Variants in BNC2 observed in about 807,000 individuals in gnomAD.
BNC2 encodes basonuclin zinc finger protein 2.
In BNC2, 20 loss-of-function variants were observed where a neutral mutation model predicts 76.3. The ratio of observed to expected loss-of-function variants is 0.26; its 90% confidence interval spans 0.18 to 0.38. The LOEUF (loss-of-function observed/expected upper bound fraction) is 0.38. Among genes scored for constraint, BNC2 ranks in the 10% least tolerant of loss-of-function variants. The probability of loss-of-function intolerance (pLI) is 1.00; values close to 1 mark genes in which losing one functional copy is unlikely to be tolerated. For missense variants in BNC2, 1,382 were observed against 1,399.8 expected, an observed-to-expected ratio of 0.99 and a Z score of 0.20; for synonymous variants, 582 against 514.8, an observed-to-expected ratio of 1.13 and a Z score of -1.77.
intron 1 of BNC2, among the ~76,000 whole-genome samples, chr9:16,837,795 C>T (rs1266979720): frequency 6.6e-6 from 1 of 152,108 alleles, no homozygotes; most frequent in African/African-American, 2.4e-5. Context: ...GGCTCCTAAG[C>T]TACTGCTTTT....
chr9:16,615,209 C>A (rs1434647968), intron 3 of BNC2, among the ~76,000 whole-genome samples: 3 of 152,040 alleles, frequency 2.0e-5, no homozygotes, highest in Non-Finnish European at 2.9e-5. Context: ...TACAATTCTG[C>A]CCCACATCTT....
intron 3 of BNC2, among the ~76,000 whole-genome samples, chr9:16,607,666 T>A (rs1184980162): frequency 6.6e-6 from 1 of 152,206 alleles, no homozygotes; most frequent in Non-Finnish European, 1.5e-5. Context: ...TATTTGTATA[T>A]GCTACACGGA....
intron 3 of BNC2, among the ~76,000 whole-genome samples, chr9:16,622,138 G>C (rs1332953194): frequency 1.3e-5 from 2 of 152,044 alleles, no homozygotes; most frequent in African/African-American, 2.4e-5. Flanking sequence ...CAAGGAAATG[G>C]ATTCTAAATT....
Position 16,655,485 on chromosome 9 carries a change from C to G in BNC2, c.330+72312G>C, listed in dbSNP as rs530914713. ...TTATCTCACTGTATTACAGTTCCTC[C>G]TTGACTATCTATCTGAAAAGTCTAA... is the stretch of plus-strand genomic sequence containing the variant. On this transcript the variant is annotated intron_variant, in intron 3 of 6. Transcript: ENST00000380672. Among the ~76,000 whole-genome samples, 14 of 152,194 alleles carry G rather than the reference C, an allele frequency of 9.2e-5. No homozygotes were observed. In the South Asian group the frequency reaches 2.7e-3, roughly 29 times the overall value.
intron 3 of BNC2, among the ~76,000 whole-genome samples, chr9:16,643,851 C>G (rs908419172): frequency 2.0e-5 from 3 of 152,102 alleles, no homozygotes; most frequent in Non-Finnish European, 4.4e-5. Flanking sequence ...AAGAAATCTT[C>G]AAACAGCTGT....
chr9:16,602,680 G>A (rs903988889), intron 3 of BNC2, among the ~76,000 whole-genome samples: 1 of 152,184 alleles, frequency 6.6e-6, no homozygotes, highest in East Asian at 1.9e-4. Context: ...TTGTCTTAGA[G>A]GAAGTGGGCT....
chr9:16,748,669 C>G (rs1563925462), intron 1 of BNC2, among the ~76,000 whole-genome samples: 1 of 151,322 alleles, frequency 6.6e-6, no homozygotes, highest in Non-Finnish European at 1.5e-5. Context: ...ACGGTGAAAC[C>G]CCATCTCCAC....
chr9:16,786,237 A>T (rs1826289813), intron 1 of BNC2, among the ~76,000 whole-genome samples: 1 of 152,174 alleles, frequency 6.6e-6, no homozygotes, highest in Non-Finnish European at 1.5e-5. Flanking sequence ...TCTCTTAACT[A>T]AACAAGGAGT....
chr9:16,661,102 C>T (rs1822098374), intron 3 of BNC2, among the ~76,000 whole-genome samples: 1 of 152,098 alleles, frequency 6.6e-6, no homozygotes, highest in African/African-American at 2.4e-5. Flanking sequence ...AGCAATTAAC[C>T]TTCCCAACGT....
intron 1 of BNC2, among the ~76,000 whole-genome samples, chr9:16,776,432 GC>G (rs1269807770): frequency 6.6e-6 from 1 of 152,080 alleles, no homozygotes; most frequent in Non-Finnish European, 1.5e-5. Flanking sequence ...GACCCACAGC[GC>G]CCAGCCACCT....
At chr9:16,858,412 A>G (rs992895911) in intron 1 of BNC2, among the ~76,000 whole-genome samples, 1 of 152,198 alleles carries the variant, frequency 6.6e-6, no homozygotes, top group African/African-American at 2.4e-5. Context: ...GAGTACTACC[A>G]AGACTTTTTT....
At chr9:16,493,464 C>T (rs1822320012) in intron 5 of BNC2, among the ~76,000 whole-genome samples, 1 of 152,194 alleles carries the variant, frequency 6.6e-6, no homozygotes, top group African/African-American at 2.4e-5. Context: ...TGAGCACCTA[C>T]TGTAATAAAC....
chr9:16,435,572 A>G lies in BNC2; in HGVS notation c.2622T>C (p.Ser874=), dbSNP rs1320814419. ...TVAGCNAAFP[S]RRSRDRHSAN... is the part of the protein sequence containing the mutation. Reference sequence around the variant, plus strand: ...TTACTGACCTGTCTCGGCTTCGGCGAGAGGGGAATGCAGCATTGCAACCAG... The same window carrying G: ...TTACTGACCTGTCTCGGCTTCGGCGGGAGGGGAATGCAGCATTGCAACCAG... Residue 874 remains serine (S), a synonymous_variant, in exon 6 of 7, where the codon TCT becomes TCC. Transcript: ENST00000380672. The G allele has an allele frequency of 1.9e-6, 3 of 1,614,052 alleles. No homozygotes were observed. In the Admixed American group the frequency reaches 5.0e-5, roughly 27 times the overall value.
chr9:16,536,109 T>C (rs1051990225), intron 5 of BNC2, among the ~76,000 whole-genome samples: 1 of 152,164 alleles, frequency 6.6e-6, no homozygotes, highest in African/African-American at 2.4e-5. Context: ...TGCTGGGAAT[T>C]TAAACCACTA....
intron 3 of BNC2, among the ~76,000 whole-genome samples, chr9:16,673,203 A>G (rs1335278817): frequency 6.6e-6 from 1 of 152,166 alleles, no homozygotes; most frequent in Non-Finnish European, 1.5e-5. Flanking sequence ...AAAGGGAGAA[A>G]AACCTTTGTT....
chr9:16,532,153 T>G (rs1817996301), intron 5 of BNC2, among the ~76,000 whole-genome samples: 1 of 151,908 alleles, frequency 6.6e-6, no homozygotes, highest in South Asian at 2.1e-4. Context: ...GGAGTGGCAT[T>G]AGGAAGCACT....
At chr9:16,477,715 T>C (rs554936229) in intron 5 of BNC2, among the ~76,000 whole-genome samples, 40 of 152,326 alleles carry the variant, frequency 2.6e-4, no homozygotes, top group African/African-American at 9.4e-4. Flanking sequence ...AGAATTTTCT[T>C]TTTTATCAAA....
At chr9:16,777,056 G>A (rs1454547040) in intron 1 of BNC2, among the ~76,000 whole-genome samples, 1 of 152,076 alleles carries the variant, frequency 6.6e-6, no homozygotes, top group Admixed American at 6.6e-5. Flanking sequence ...AACCTAGGAG[G>A]CGGAGGTTGC....
chr9:16,765,822 T>C (rs1043784346), intron 1 of BNC2, among the ~76,000 whole-genome samples: 4 of 151,594 alleles, frequency 2.6e-5, no homozygotes, highest in Non-Finnish European at 5.9e-5. Flanking sequence ...AGTCTAGCTC[T>C]GTCGCCCAGG....
Sources: allele counts gnomAD v4.1 joint callset (sites outside exome capture counted in the v4.1 genomes callset), GRCh38; gene constraint gnomAD v4.1.1; transcripts MANE v1.5; gene names NCBI Gene and HGNC (gene_info 2026-07-23, HGNC 2026-07-21).